Variants in SPIDR observed in about 807,000 individuals in gnomAD.
SPIDR encodes DNA repair-scaffolding protein.
SPIDR carries 93 observed loss-of-function variants against 104.6 expected under a neutral mutation model. The observed-to-expected ratio is 0.89, with a 90% CI of 0.75 to 1.06. The LOEUF is 1.06. Among genes scored for constraint, SPIDR ranks in the 50% least tolerant of loss-of-function variants. SPIDR has a pLI of 0.00. For missense variants in SPIDR, 1,154 were observed against 1,111.2 expected (o/e 1.04, Z -0.55); for synonymous variants, 431 against 416.9 (o/e 1.03, Z -0.41).
chr8:47,396,774 A>G lies in SPIDR; in HGVS notation c.776+148A>G. 2.4e-6 allele frequency: 2 copies of G among 843,174 alleles called. 1 individual carries two copies. The highest frequency in any genetic ancestry group is 3.7e-5 in the South Asian group (2 of 53,660). 52.2% of individuals were successfully genotyped at this position (843,174 alleles called of 1,614,324 possible). A position where few individuals can be genotyped will look rare whatever the true frequency, so the allele number is the denominator to read the frequency against. ...GGAATGTTCATCGAAGTTGAGGGTC[A>G]TGGCTTTACTCATGCCCAGCAGATG... On this transcript the variant is annotated intron_variant, in intron 6 of 19. Coordinates refer to ENST00000297423, the MANE Select transcript of SPIDR (RefSeq NM_001080394.4).
chr8:47,631,621 A>G (rs2067087926), intron 10 of SPIDR, among the ~76,000 whole-genome samples: 1 of 152,236 alleles, frequency 6.6e-6, no homozygotes, highest in South Asian at 2.1e-4. Context: ...TATTTGGGAC[A>G]TATAAAAGAG....
At chr8:47,369,931 C>A (rs909518080) in intron 5 of SPIDR, among the ~76,000 whole-genome samples, 6 of 151,872 alleles carry the variant, frequency 4.0e-5, no homozygotes, top group Admixed American at 2.0e-4. Flanking sequence ...TTTAAGGGTT[C>A]CCTACCCCCC....
At chr8:47,602,490 A>G (rs1417797362) in intron 10 of SPIDR, among the ~76,000 whole-genome samples, 1 of 152,222 alleles carries the variant, frequency 6.6e-6, no homozygotes, top group East Asian at 1.9e-4. Context: ...GTCAGAAGAA[A>G]TTAAGCCTGG....
intron 10 of SPIDR, among the ~76,000 whole-genome samples, chr8:47,637,275 A>G (rs759828430): frequency 2.0e-5 from 3 of 152,164 alleles, no homozygotes; most frequent in Non-Finnish European, 4.4e-5. Flanking sequence ...ATTTTGTAGA[A>G]TGTCCTTAAC....
At chr8:47,734,614 CA>C (rs1206561819) in intron 19 of SPIDR, among the ~76,000 whole-genome samples, 2 of 151,012 alleles carry the variant, frequency 1.3e-5, no homozygotes, top group Non-Finnish European at 3.0e-5. Context: ...CCCAGAAAGC[CA>C]GAGATGGAAT....
intron 5 of SPIDR, among the ~76,000 whole-genome samples, chr8:47,373,362 A>C (rs2058269827): frequency 6.6e-6 from 1 of 152,204 alleles, no homozygotes; most frequent in Non-Finnish European, 1.5e-5. Flanking sequence ...TAGTGTGGAG[A>C]AAATTGGGCA....
chr8:47,701,625 A>G, intron 12 of SPIDR, 96 bp from the exon 13 acceptor site: 1 of 1,251,850 alleles, frequency 8.0e-7, no homozygotes, highest in Non-Finnish European at 1.1e-6. Flanking sequence ...CCTGTAAGCA[A>G]ATATGTATAT....
intron 11 of SPIDR, among the ~76,000 whole-genome samples, chr8:47,689,832 C>G (rs552948647): frequency 7.9e-5 from 12 of 152,314 alleles, no homozygotes; most frequent in African/African-American, 2.9e-4. Context: ...AGGCTGCTTA[C>G]TGATCAGGTT....
intron 10 of SPIDR, among the ~76,000 whole-genome samples, chr8:47,647,611 CTCGAAA>C (rs2070662585): frequency 2.9e-5 from 1 of 34,502 alleles, no homozygotes; most frequent in South Asian, 6.7e-4. Context: ...GAGACTCCAT[CTCGAAA>C]GAGAGAGAGA....
chr8:47,455,014 A>T (rs566137687), intron 8 of SPIDR, among the ~76,000 whole-genome samples: 1 of 152,222 alleles, frequency 6.6e-6, no homozygotes, highest in Non-Finnish European at 1.5e-5. Flanking sequence ...AGGAAGAAAT[A>T]CTAAACAGCA....
intron 10 of SPIDR, among the ~76,000 whole-genome samples, chr8:47,638,173 T>A (rs144216472): frequency 6.6e-6 from 1 of 152,196 alleles, no homozygotes; most frequent in African/African-American, 2.4e-5. Flanking sequence ...CACTGTAAGA[T>A]GTGCTAGGCT....
intron 10 of SPIDR, chr8:47,659,655 G>C (rs2073714590): frequency 1.1e-6 from 1 of 934,404 alleles, no homozygotes; most frequent in East Asian, 1.4e-4. Context: ...GGCCCTTCTC[G>C]CCCCCGCCTT....
intron 8 of SPIDR, among the ~76,000 whole-genome samples, chr8:47,474,072 C>T (rs1345573333): frequency 2.0e-5 from 3 of 152,066 alleles, no homozygotes; most frequent in Admixed American, 6.5e-5. Context: ...CTCACGTAGG[C>T]GAGTTCTCTT....
chr8:47,372,832 C>G (rs2058198962), intron 5 of SPIDR, among the ~76,000 whole-genome samples: 1 of 152,050 alleles, frequency 6.6e-6, no homozygotes. Flanking sequence ...AAATAATGAA[C>G]ATTGTACCTG....
At chr8:47,633,558 GAAAA>G (rs113678854) in intron 10 of SPIDR, among the ~76,000 whole-genome samples, 1 of 134,322 alleles carries the variant, frequency 7.4e-6, no homozygotes, top group Non-Finnish European at 1.6e-5. Context: ...GCAAATGATT[GAAAA>G]AAAAAAAAAA....
At chr8:47,476,784 GA>G (rs1434752598) in intron 8 of SPIDR, among the ~76,000 whole-genome samples, 1 of 152,338 alleles carries the variant, frequency 6.6e-6, no homozygotes, top group African/African-American at 2.4e-5. Context: ...GTATGCAAGA[GA>G]AGCAGCAGGC....
At chr8:47,518,364 T>C (rs1398537372) in intron 8 of SPIDR, among the ~76,000 whole-genome samples, 1 of 152,268 alleles carries the variant, frequency 6.6e-6, no homozygotes, top group African/African-American at 2.4e-5. Flanking sequence ...GTATTTTGCC[T>C]TGGGCTTCAC....
At chr8:47,532,594 C>T (rs1049706052) in intron 8 of SPIDR, among the ~76,000 whole-genome samples, 1 of 152,166 alleles carries the variant, frequency 6.6e-6, no homozygotes, top group African/African-American at 2.4e-5. Flanking sequence ...CGTAACAGCC[C>T]TTAATGTGTA....
At chr8:47,421,304 C>A (rs1456835752) in intron 7 of SPIDR, among the ~76,000 whole-genome samples, 1 of 152,134 alleles carries the variant, frequency 6.6e-6, no homozygotes, top group East Asian at 1.9e-4. Context: ...AGGCTTTGTT[C>A]ATTTCTTTTA....
Sources: allele counts gnomAD v4.1 joint callset (sites outside exome capture counted in the v4.1 genomes callset), GRCh38; gene constraint gnomAD v4.1.1; transcripts MANE v1.5; gene names NCBI Gene and HGNC (gene_info 2026-07-23, HGNC 2026-07-21).